TRPC3: variants seen among roughly 807,000 people sequenced by gnomAD.
The protein encoded by TRPC3 is short transient receptor potential channel 3.
A neutral mutation model predicts 90.9 loss-of-function variants in TRPC3; 54 were observed. The observed-to-expected ratio is 0.59, with a 90% CI of 0.48 to 0.75. TRPC3 has a LOEUF of 0.75. Ranked by LOEUF, TRPC3 falls within the 30% of genes least tolerant of loss-of-function variation. The pLI, the probability that TRPC3 is intolerant of heterozygous loss-of-function variation, is 0.00. For missense variants in TRPC3, 918 were observed against 1,194.5 expected, an observed-to-expected ratio of 0.77 and a Z score of 3.41; for synonymous variants, 424 against 450.9, an observed-to-expected ratio of 0.94 and a Z score of 0.75.
intron 1 of TRPC3, among the ~76,000 whole-genome samples, chr4:121,935,254 T>C (rs1362583093): frequency 1.3e-5 from 2 of 152,214 alleles, no homozygotes; most frequent in Non-Finnish European, 2.9e-5. Context: ...AATGTATTTA[T>C]TAGAAACCAT....
chr4:121,924,984 TA>T, intron 3 of TRPC3, 33 bp downstream of exon 3: 1 of 1,579,354 alleles, frequency 6.3e-7, no homozygotes, highest in Non-Finnish European at 8.6e-7. Flanking sequence ...ATGTTTATTC[TA>T]ATATGGCACT....
chr4:121,899,446 TA>T (rs377302214), intron 10 of TRPC3, among the ~76,000 whole-genome samples, 165 bp downstream of exon 10: 2,386 of 152,066 alleles, frequency 0.016, 33 homozygotes, highest in South Asian at 0.061. Flanking sequence ...AATTTTTTTT[TA>T]AAAAATTTCA....
At chr4:121,889,447 C>CA (rs1397276923) in intron 10 of TRPC3, among the ~76,000 whole-genome samples, 1 of 152,076 alleles carries the variant, frequency 6.6e-6, no homozygotes, top group Non-Finnish European at 1.5e-5. Flanking sequence ...AGAAGACATA[C>CA]AAATGGACAA....
At chr4:121,940,778 T>C (rs1306678946) in intron 1 of TRPC3, among the ~76,000 whole-genome samples, 1 of 152,220 alleles carries the variant, frequency 6.6e-6, no homozygotes, top group African/African-American at 2.4e-5. Flanking sequence ...TTTTACCTCA[T>C]CTCCTTGATT....
chr4:121,881,881 A>C (rs1727955189), intron 11 of TRPC3, among the ~76,000 whole-genome samples: 1 of 152,142 alleles, frequency 6.6e-6, no homozygotes, highest in Non-Finnish European at 1.5e-5. Flanking sequence ...GCAGGGGGGA[A>C]AGTGAAATTC....
At chr4:121,919,699 C>G (rs1243768282) in intron 3 of TRPC3, among the ~76,000 whole-genome samples, 1 of 152,194 alleles carries the variant, frequency 6.6e-6, no homozygotes, top group Non-Finnish European at 1.5e-5. Context: ...ATGCTTTTAT[C>G]CTGTTTATAC....
intron 5 of TRPC3, among the ~76,000 whole-genome samples, 184 bp from the exon 6 acceptor site, chr4:121,910,571 T>G (rs1400953951): frequency 6.6e-6 from 1 of 152,068 alleles, no homozygotes; most frequent in Non-Finnish European, 1.5e-5. Context: ...TGGAAGAAGC[T>G]CCTGCTAAGA....
Position 121,932,745 on chromosome 4 carries a change from G to T in TRPC3, c.513C>A (p.Asn171Lys). 6.2e-7 allele frequency: 1 copy of T among 1,613,898 alleles called. No individual in the cohort carries two copies. The highest frequency in any genetic ancestry group is 8.5e-7 in the Non-Finnish European group (1 of 1,179,858). Residue 171 changes from asparagine (N) to lysine (K), a missense_variant, in exon 2 of 12, where the codon AAC (asparagine) becomes AAA (lysine). By Grantham distance (94) the Asn-to-Lys change is moderately conservative (BLOSUM62 0). Transcript: ENST00000379645. This position sits in a 1 kb window ranked among gnomAD's most constrained non-coding sequence, Gnocchi z 7.7. ...GCAGGGCGTCGCCAATGCGCGCCAG[G>T]TTCTCCTTCTTGAGCAGCAGCTCGG... Reference protein sequence around the residue: ...EVTELLLKKENLARIGDALLL... With the variant: ...EVTELLLKKEKLARIGDALLL...
At chr4:121,907,636 C>T (rs899152105) in intron 6 of TRPC3, 69 bp from the exon 7 acceptor site, 4 of 1,506,844 alleles carry the variant, frequency 2.7e-6, no homozygotes, top group African/African-American at 1.4e-5. Context: ...AAAGCAAATA[C>T]CTTAAATAGG....
At chr4:121,925,774 G>A (rs1015738432) in intron 2 of TRPC3, among the ~76,000 whole-genome samples, 10 of 152,118 alleles carry the variant, frequency 6.6e-5, no homozygotes, top group South Asian at 4.2e-4. Context: ...TACATACATC[G>A]AAGCATCCCA....
chr4:121,896,258 C>T (rs1437209208), intron 10 of TRPC3, among the ~76,000 whole-genome samples: 3 of 152,030 alleles, frequency 2.0e-5, no homozygotes, highest in Non-Finnish European at 4.4e-5. Context: ...TGTAACAAGA[C>T]AAGGATGCTC....
At chr4:121,930,598 C>T (rs541820188) in intron 2 of TRPC3, among the ~76,000 whole-genome samples, 147 of 152,160 alleles carry the variant, frequency 9.7e-4, no homozygotes, top group African/African-American at 3.3e-3. Context: ...TAAAACACGA[C>T]CTTAGAAAAT....
intron 3 of TRPC3, among the ~76,000 whole-genome samples, chr4:121,922,590 C>T (rs1365483997): frequency 6.6e-6 from 1 of 152,222 alleles, no homozygotes; most frequent in Non-Finnish European, 1.5e-5. Flanking sequence ...GACATAAACT[C>T]TGCAAGGCAG....
rs41278089 is a variant in TRPC3, at chr4:121,911,977, C to T, written c.1458G>A (p.Thr486=). Reference sequence around the variant, plus strand: ...AGTCAGTAACTGTGATATTGGGCAGCGTGGTGATGCCTTCGAACCTGTCTG... The same window carrying T: ...AGTCAGTAACTGTGATATTGGGCAGTGTGGTGATGCCTTCGAACCTGTCTG... The part of the protein sequence containing the change: ...NASDRFEGIT[T]LPNITVTDYP... The change falls in exon 5 of 12, where the codon ACG becomes ACA. Residue 486 remains threonine, a synonymous_variant. Transcript: ENST00000379645. 31 of 1,613,760 alleles carry T rather than the reference C, an allele frequency of 1.9e-5. No individual in the cohort carries two copies. Among genetic ancestry groups the T allele is most frequent in the African/African-American group, 4.0e-5 (3 of 74,860 alleles).
intron 1 of TRPC3, among the ~76,000 whole-genome samples, chr4:121,948,693 GGAAA>G (rs1324249178): frequency 6.6e-6 from 1 of 152,018 alleles, no homozygotes; most frequent in Non-Finnish European, 1.5e-5. Context: ...GGCATTTTGG[GGAAA>G]GAGAGGGCTT....
In TRPC3 at chr4:121,951,247, ACTCGGCAGCCCCTGTGTCC is replaced by A. The variant is rs1309177685; in HGVS notation, c.215+200_215+218del. On this transcript the variant is annotated intron_variant, in intron 1 of 11. Transcript: ENST00000379645. This position sits in a 1 kb window ranked among gnomAD's most constrained non-coding sequence, Gnocchi z 4.4. ...AGCCTGGACAGAGCCCCTGCCACGC[ACTCGGCAGCCCCTGTGTCC>A]CTCCACCGCGCGGGACCGAGGGGGC... 6.6e-6 allele frequency among the ~76,000 whole-genome samples: 1 copy of A among 151,806 alleles called. No individual in the cohort carries two copies. Among genetic ancestry groups the A allele is most frequent in the Non-Finnish European group, 1.5e-5 (1 of 67,978 alleles).
At chr4:121,928,622 G>T (rs1358724896) in intron 2 of TRPC3, among the ~76,000 whole-genome samples, 1 of 152,120 alleles carries the variant, frequency 6.6e-6, no homozygotes, top group Non-Finnish European at 1.5e-5. Context: ...TTGCATAATG[G>T]TCTTTAATAT....
chr4:121,900,960 G>A (rs931672614), intron 9 of TRPC3, among the ~76,000 whole-genome samples: 1 of 152,128 alleles, frequency 6.6e-6, no homozygotes, highest in Middle Eastern at 3.2e-3. Flanking sequence ...CAGCCTAAAT[G>A]TAATGCTTCC....
At chr4:121,934,322 C>A (rs754456585) in intron 1 of TRPC3, among the ~76,000 whole-genome samples, 1 of 152,150 alleles carries the variant, frequency 6.6e-6, no homozygotes, top group East Asian at 1.9e-4. Flanking sequence ...CTTTTAACAT[C>A]GTGACTATCT....
Sources: gnomAD v4.1 joint callset for allele counts (sites outside exome capture counted in the v4.1 genomes callset) on GRCh38, gnomAD v4.1.1 for gene constraint, Gnocchi (gnomAD v3.1) non-coding constraint, MANE v1.5 for transcripts, NCBI Gene and HGNC (gene_info 2026-07-23, HGNC 2026-07-21) for gene names.